Variants in DLG2 observed in about 807,000 individuals in gnomAD.
DLG2 encodes the protein disks large homolog 2.
A neutral mutation model predicts 132.5 loss-of-function variants in DLG2; 45 were observed. The observed-to-expected ratio is 0.34, with a 90% CI of 0.27 to 0.44. The LOEUF is 0.44. DLG2 is among the 20% of genes least tolerant of loss of function. The pLI is 1.00. For missense variants in DLG2, 1,045 were observed against 1,196.9 expected (o/e 0.87, Z 1.87); for synonymous variants, 424 against 419.6 (o/e 1.01, Z -0.13).
intron 3 of DLG2, among the ~76,000 whole-genome samples, chr11:85,454,323 G>T (rs934533713): frequency 6.6e-6 from 1 of 151,372 alleles, no homozygotes; most frequent in Non-Finnish European, 1.5e-5. Flanking sequence ...TATTCTTGTT[G>T]ACCACATGTA....
chr11:84,070,976 T>C (rs1001883594), intron 10 of DLG2, among the ~76,000 whole-genome samples: 3 of 152,200 alleles, frequency 2.0e-5, no homozygotes, highest in African/African-American at 7.2e-5. Context: ...TCAAGACAAA[T>C]AATTTCATCA....
At chr11:83,956,253 C>A (rs1323024932) in intron 14 of DLG2, among the ~76,000 whole-genome samples, 2 of 152,164 alleles carry the variant, frequency 1.3e-5, no homozygotes, top group Non-Finnish European at 2.9e-5. Flanking sequence ...CTTGGGACCA[C>A]TGAGTGCAGG....
At chr11:83,536,871 A>G (rs2095891376) in intron 20 of DLG2, among the ~76,000 whole-genome samples, 1 of 152,204 alleles carries the variant, frequency 6.6e-6, no homozygotes, top group Admixed American at 6.5e-5. Flanking sequence ...CCATTTCACA[A>G]CTTACTTTCC....
intron 19 of DLG2, among the ~76,000 whole-genome samples, chr11:83,551,235 TA>T (rs556183173): frequency 6.6e-6 from 1 of 152,156 alleles, no homozygotes; most frequent in African/African-American, 2.4e-5. Context: ...TAATTGAGTC[TA>T]AAAAAATCTA....
At chr11:84,328,170 G>A (rs978347138) in intron 7 of DLG2, among the ~76,000 whole-genome samples, 1 of 151,942 alleles carries the variant, frequency 6.6e-6, no homozygotes, top group Non-Finnish European at 1.5e-5. Flanking sequence ...TTATGAGGGA[G>A]AAAATGTATG....
At chr11:84,403,784 ACAT>A (rs1401592792) in intron 7 of DLG2, among the ~76,000 whole-genome samples, 1 of 152,092 alleles carries the variant, frequency 6.6e-6, no homozygotes, top group Non-Finnish European at 1.5e-5. Flanking sequence ...TGTTTCCCAT[ACAT>A]CACCTTTGCT....
intron 6 of DLG2, among the ~76,000 whole-genome samples, chr11:84,658,802 T>C (rs2099691287): frequency 6.6e-6 from 1 of 152,200 alleles, no homozygotes; most frequent in South Asian, 2.1e-4. Flanking sequence ...GCCATGTTTG[T>C]ACAGCCTGCT....
At chr11:85,157,902 T>A (rs1327586061) in intron 4 of DLG2, among the ~76,000 whole-genome samples, 5 of 151,912 alleles carry the variant, frequency 3.3e-5, no homozygotes, top group Non-Finnish European at 7.4e-5. Flanking sequence ...AGTGGCAACA[T>A]CCCCTCCCCG....
intron 15 of DLG2, among the ~76,000 whole-genome samples, chr11:83,880,732 G>T (rs2065996744): frequency 6.6e-6 from 1 of 152,146 alleles, no homozygotes; most frequent in South Asian, 2.1e-4. Flanking sequence ...AAATATAATT[G>T]AATTTGATTT....
chr11:85,519,119 G>C (rs1164642605), intron 3 of DLG2, among the ~76,000 whole-genome samples: 2 of 152,162 alleles, frequency 1.3e-5, no homozygotes, highest in Non-Finnish European at 2.9e-5. Context: ...GAAATGTGAG[G>C]TTGGAGGCCC....
chr11:84,780,940 G>A (rs185041823), intron 6 of DLG2, among the ~76,000 whole-genome samples: 1 of 130,470 alleles, frequency 7.7e-6, no homozygotes, highest in East Asian at 2.5e-4. Flanking sequence ...TAAAAGCAAG[G>A]AACATAAAGG....
At chr11:85,456,001 C>G (rs930097833) in intron 3 of DLG2, among the ~76,000 whole-genome samples, 14 of 151,992 alleles carry the variant, frequency 9.2e-5, no homozygotes, top group Admixed American at 9.2e-4. Flanking sequence ...GTTTTGGTAT[C>G]AGGATGATAC....
chr11:84,181,000 A>G (rs919185934), intron 8 of DLG2, among the ~76,000 whole-genome samples: 1 of 151,890 alleles, frequency 6.6e-6, no homozygotes, highest in Non-Finnish European at 1.5e-5. Flanking sequence ...GAGAAAGAAT[A>G]TATGAAAATA....
chr11:83,941,231 A>AT (rs2082584994), intron 14 of DLG2, among the ~76,000 whole-genome samples: 1 of 152,106 alleles, frequency 6.6e-6, no homozygotes, highest in Non-Finnish European at 1.5e-5. Context: ...GGGCATCCTT[A>AT]TTTGGCAATC....
intron 7 of DLG2, among the ~76,000 whole-genome samples, chr11:84,450,423 T>C (rs561679): frequency 2.4e-4 from 36 of 148,996 alleles, no homozygotes; most frequent in African/African-American, 6.3e-4. Context: ...TTTTTTTTTT[T>C]CCAGAAGAAA....
intron 7 of DLG2, among the ~76,000 whole-genome samples, chr11:84,451,237 T>C (rs1232804795): frequency 6.6e-6 from 1 of 151,886 alleles, no homozygotes; most frequent in African/African-American, 2.4e-5. Context: ...CTTCTAATAT[T>C]ATAGGCTGCA....
At chr11:85,518,144 G>C (rs536553988) in intron 3 of DLG2, among the ~76,000 whole-genome samples, 2 of 152,150 alleles carry the variant, frequency 1.3e-5, no homozygotes, top group Admixed American at 1.3e-4. Context: ...CAGCAGAGTG[G>C]GGCAATGCTG....
intron 6 of DLG2, among the ~76,000 whole-genome samples, chr11:85,066,819 C>A (rs75579480): frequency 6.6e-6 from 1 of 151,636 alleles, no homozygotes; most frequent in East Asian, 1.9e-4. Context: ...ATACAACAAA[C>A]CTACAGACAA....
intron 6 of DLG2, among the ~76,000 whole-genome samples, chr11:84,776,916 A>G (rs1458936086): frequency 6.6e-6 from 1 of 152,148 alleles, no homozygotes; most frequent in Admixed American, 6.6e-5. Flanking sequence ...TGTATAAATT[A>G]CTGGGTAGAA....
Sources: allele counts gnomAD v4.1 joint callset (sites outside exome capture counted in the v4.1 genomes callset), GRCh38; gene constraint gnomAD v4.1.1; transcripts MANE v1.5; gene names NCBI Gene and HGNC (gene_info 2026-07-23, HGNC 2026-07-21).